KIF26B: variants seen among roughly 807,000 people sequenced by gnomAD.
The protein encoded by KIF26B is kinesin-like protein KIF26B.
A neutral mutation model predicts 151.2 loss-of-function variants in KIF26B; 63 were observed. The observed-to-expected ratio is 0.42, with a 90% CI of 0.34 to 0.51. KIF26B has a LOEUF of 0.51. Among genes scored for constraint, KIF26B ranks in the 20% least tolerant of loss-of-function variants. The pLI is 0.07. For synonymous variants in KIF26B, 1,357 were observed against 1,262.1 expected (o/e 1.08, Z -1.59); for missense variants, 2,813 against 2,913.6 (o/e 0.97, Z 0.79).
chr1:245,337,011 A>G (rs923292470), intron 2 of KIF26B, among the ~76,000 whole-genome samples: 32 of 152,140 alleles, frequency 2.1e-4, no homozygotes, highest in Non-Finnish European at 4.6e-4. Flanking sequence ...CTTTGCTTCC[A>G]TGGGAAGAAA....
chr1:245,155,624 G>C, intron 1 of KIF26B, 137 bp downstream of exon 1: 1 of 710,594 alleles, frequency 1.4e-6, no homozygotes, highest in Non-Finnish European at 2.2e-6. Context: ...GCGGGGTTGT[G>C]AGTGCGCGGA....
At chr1:245,251,788 C>G (rs757392623) in intron 2 of KIF26B, among the ~76,000 whole-genome samples, 2 of 152,106 alleles carry the variant, frequency 1.3e-5, no homozygotes, top group Non-Finnish European at 2.9e-5. Context: ...GTTTATAAAT[C>G]TTAATATTTA....
chr1:245,324,479 C>G (rs1238815902), intron 2 of KIF26B, among the ~76,000 whole-genome samples: 2 of 152,138 alleles, frequency 1.3e-5, no homozygotes, highest in African/African-American at 2.4e-5. Context: ...GCCAGAGGCT[C>G]GGGAATCTCT....
chr1:245,442,273 G>T (rs918101548), intron 4 of KIF26B, among the ~76,000 whole-genome samples: 1 of 152,186 alleles, frequency 6.6e-6, no homozygotes, highest in Non-Finnish European at 1.5e-5. Context: ...GTTGCTTCCT[G>T]TCCGTGCTCT....
Position 245,316,845 on chromosome 1 carries a change from A to ACAAT in KIF26B, c.466-49986_466-49983dup, listed in dbSNP as rs1413107420. Among the ~76,000 whole-genome samples, 54 of 150,326 alleles carry ACAAT rather than the reference A, an allele frequency of 3.6e-4. 1 individual carries two copies. The South Asian group carries it at 9.7e-3, about 27-fold the overall frequency. ...AACCAGAACTAGTTCAAGGACCCTC[A>ACAAT]CAATCACCTTCAAGGGACAAAAACC... On this transcript the variant is annotated intron_variant, in intron 2 of 14. Transcript: ENST00000407071.
intron 10 of KIF26B, among the ~76,000 whole-genome samples, chr1:245,658,996 C>A (rs562913862): frequency 7.8e-4 from 118 of 152,184 alleles, no homozygotes; most frequent in African/African-American, 2.8e-3. Flanking sequence ...CTTCAGGAAG[C>A]CAAGGCAGGA....
rs548892473 is a variant in KIF26B at position 245,688,164 on chromosome 1, C to T, written c.5181C>T (p.Ala1727=). 1.3e-4 allele frequency: 202 copies of T among 1,597,320 alleles called. No individual in the cohort carries two copies. The highest frequency in any genetic ancestry group is 1.6e-4 in the Non-Finnish European group (185 of 1,178,334). ...SPPSSGASPK[A]GQSKISAVSR... ...CCAGCTCCGGGGCCTCGCCCAAGGCCGGCCAGTCCAAGATCTCCGCCGTGA... is the reference window on the plus strand; with the variant it reads ...CCAGCTCCGGGGCCTCGCCCAAGGCTGGCCAGTCCAAGATCTCCGCCGTGA... Residue 1727 remains alanine (A), a synonymous_variant, in exon 12 of 15, where the codon GCC becomes GCT. Transcript: ENST00000407071.
At position 245,399,715 on chromosome 1, in the gene KIF26B, T is replaced by C. The variant is rs187524895; in HGVS notation, c.1000-19864T>C. ...GCATGCAGAGCTTTGGTTAGCTTGG[T>C]AAAGGGTATGTTCAGCAATTCTGGT... On this transcript the variant is annotated intron_variant, in intron 3 of 14. Coordinates refer to ENST00000407071, the MANE Select transcript of KIF26B (RefSeq NM_018012.4). 1.7e-3 allele frequency among the ~76,000 whole-genome samples: 265 copies of C among 152,344 alleles called. 2 individuals are homozygous for C. The highest frequency in any genetic ancestry group is 6.3e-3 in the African/African-American group (262 of 41,576).
At chr1:245,404,099 G>T (rs752753508) in intron 3 of KIF26B, among the ~76,000 whole-genome samples, 1 of 152,190 alleles carries the variant, frequency 6.6e-6, no homozygotes, top group African/African-American at 2.4e-5. Context: ...TGGAATCATA[G>T]TTGAGGGGAC....
intron 12 of KIF26B, 48 bp downstream of exon 12, chr1:245,688,855 C>T (rs750483422): frequency 6.6e-7 from 1 of 1,517,450 alleles, no homozygotes; most frequent in East Asian, 2.4e-5. Flanking sequence ...GGCAGGTGGG[C>T]GAGCTGCCCA....
rs1016995910 is a variant in KIF26B at position 245,495,063 on chromosome 1, A to T, written c.1167-45704A>T. 6.6e-6 allele frequency among the ~76,000 whole-genome samples: 1 copy of T among 152,126 alleles called. No individual in the cohort carries two copies. Among genetic ancestry groups the T allele is most frequent in the Admixed American group, 6.6e-5 (1 of 15,254 alleles). ...AGAAAAGAAAAGAAATAAAGAAAAG[A>T]AAAGAAAGAGGAAATTCTGGAACTT... is the stretch of plus-strand genomic sequence containing the variant. On this transcript the variant is annotated intron_variant, in intron 4 of 14. Transcript: ENST00000407071. The surrounding 1 kb of genome is among the most constrained non-coding windows in gnomAD (Gnocchi z 4.2).
At chr1:245,155,715 C>G (rs1453810514) in intron 1 of KIF26B, among the ~76,000 whole-genome samples, 1 of 152,254 alleles carries the variant, frequency 6.6e-6, no homozygotes, top group South Asian at 2.1e-4. Flanking sequence ...CCTTTCCACG[C>G]ACCCGTAACT....
intron 2 of KIF26B, among the ~76,000 whole-genome samples, chr1:245,181,379 A>G (rs1668903636): frequency 6.6e-6 from 1 of 152,138 alleles, no homozygotes; most frequent in African/African-American, 2.4e-5. Flanking sequence ...ATTTGAAAGT[A>G]GGTTATCGAT....
rs1491484045 is a variant in KIF26B, at chr1:245,337,555, TGC to T, written c.466-29278_466-29277del. On this transcript the variant is annotated intron_variant, in intron 2 of 14. Transcript: ENST00000407071. ...GTGTGTGTGTGTGTGTGTGTGTGTG[TGC>T]ACCCGTGTATGAGTATATGTGTTTT... Among the ~76,000 whole-genome samples, 16 of 143,260 alleles carry T rather than the reference TGC, an allele frequency of 1.1e-4. No individual in the cohort carries two copies. In the South Asian group the frequency reaches 3.7e-3, roughly 33 times the overall value. 94.0% of individuals were successfully genotyped at this position (143,260 alleles called of 152,430 possible).
chr1:245,238,794 G>A (rs1166683142), intron 2 of KIF26B, among the ~76,000 whole-genome samples: 3 of 151,834 alleles, frequency 2.0e-5, no homozygotes, highest in Non-Finnish European at 4.4e-5. Flanking sequence ...CCTGGGAGGC[G>A]GAGGTTGCAG....
intron 4 of KIF26B, among the ~76,000 whole-genome samples, chr1:245,505,275 A>C (rs1282415520): frequency 4.6e-5 from 7 of 151,744 alleles, no homozygotes; most frequent in Non-Finnish European, 1.0e-4. Flanking sequence ...ATAGGTATAC[A>C]CAGGGCCTGA....
rs188002739 is a variant in KIF26B, at chr1:245,283,838, C to A, written c.466-82996C>A. ...GAGTAGCTGGGACTACAGGTGCCCA[C>A]CACCATGCCTGGGCAATTTTTGTAT... On this transcript the variant is annotated intron_variant, in intron 2 of 14. Transcript: ENST00000407071. 2.0e-3 allele frequency among the ~76,000 whole-genome samples: 298 copies of A among 152,270 alleles called. 2 individuals carry two copies. Among genetic ancestry groups the A allele is most frequent in the African/African-American group, 6.8e-3 (284 of 41,556 alleles).
intron 2 of KIF26B, among the ~76,000 whole-genome samples, chr1:245,211,901 T>C (rs1414406796): frequency 2.0e-5 from 3 of 152,174 alleles, no homozygotes; most frequent in Non-Finnish European, 4.4e-5. Context: ...TGCTTGTGAT[T>C]TCCATTCGGC....
intron 4 of KIF26B, among the ~76,000 whole-genome samples, chr1:245,503,426 T>C (rs1041331636): frequency 2.0e-5 from 3 of 152,226 alleles, no homozygotes; most frequent in African/African-American, 7.2e-5. Flanking sequence ...ATTCACCATT[T>C]ACATTCTTGA....
Sources: allele counts gnomAD v4.1 joint callset (sites outside exome capture counted in the v4.1 genomes callset), GRCh38; gene constraint gnomAD v4.1.1; non-coding constraint Gnocchi (gnomAD v3.1); transcripts MANE v1.5; gene names NCBI Gene and HGNC (gene_info 2026-07-23, HGNC 2026-07-21).